The following MAPRE1 variants were observed in gnomAD, a reference collection of about 807,000 sequenced individuals.
MAPRE1 encodes the protein microtubule-associated protein RP/EB family member 1.
MAPRE1 carries 5 observed loss-of-function variants against 32.1 expected under a neutral mutation model. That is an observed-to-expected ratio of 0.16 (90% CI 0.08 to 0.33). The LOEUF is 0.33. Ranked by LOEUF, MAPRE1 falls within the 10% of genes least tolerant of loss-of-function variation. The pLI is 1.00. For missense variants in MAPRE1, 209 were observed against 327.2 expected, an observed-to-expected ratio of 0.64 and a Z score of 2.79; for synonymous variants, 122 against 118.9, an observed-to-expected ratio of 1.03 and a Z score of -0.17.
chr20:32,836,503 G>C, intron 3 of MAPRE1, 131 bp from the exon 4 acceptor site: 1 of 612,746 alleles, frequency 1.6e-6, no homozygotes. Flanking sequence ...AAATTTAGGG[G>C]CTTAGCCCTA....
chr20:32,829,023 C>T (rs1413488387), intron 2 of MAPRE1, among the ~76,000 whole-genome samples: 2 of 151,848 alleles, frequency 1.3e-5, no homozygotes, highest in Non-Finnish European at 2.9e-5. Context: ...CAGGTTCAAG[C>T]GATTCTCCTG....
chr20:32,846,837 A>C, intron 6 of MAPRE1, 67 bp downstream of exon 6: 1 of 1,519,136 alleles, frequency 6.6e-7, no homozygotes, highest in South Asian at 1.1e-5. Context: ...CTCTGTGCTG[A>C]TGCTTGTTGT....
At chr20:32,836,947 A>T in intron 4 of MAPRE1, 106 bp downstream of exon 4, 1 of 987,348 alleles carries the variant, frequency 1.0e-6, no homozygotes, top group South Asian at 1.7e-5. Context: ...GATCTTAAGA[A>T]ATATAATCCC....
At chr20:32,846,873 A>T in intron 6 of MAPRE1, 103 bp downstream of exon 6, 1 of 1,296,886 alleles carries the variant, frequency 7.7e-7, no homozygotes, top group Non-Finnish European at 1.1e-6. Flanking sequence ...TCATCAAAAG[A>T]CTTCATCTTT....
intron 1 of MAPRE1, among the ~76,000 whole-genome samples, chr20:32,822,444 T>G (rs751803699): frequency 6.6e-6 from 1 of 152,158 alleles, no homozygotes; most frequent in Admixed American, 6.5e-5. Flanking sequence ...ACAGACAAAT[T>G]TGAAGACTGT....
At chr20:32,821,236 C>G (rs556907147) in intron 1 of MAPRE1, among the ~76,000 whole-genome samples, 2 of 152,270 alleles carry the variant, frequency 1.3e-5, no homozygotes, top group Admixed American at 1.3e-4. Context: ...AGGCTGTTGT[C>G]GAACTCCTGA....
At chr20:32,822,183 GAC>G (rs1231212157) in intron 1 of MAPRE1, among the ~76,000 whole-genome samples, 4 of 152,130 alleles carry the variant, frequency 2.6e-5, no homozygotes, top group Admixed American at 6.6e-5. Context: ...GTGGTCAGGA[GAC>G]ACACATGGCT....
In MAPRE1 at chr20:32,825,883, C is replaced by G. The variant is rs372497612; in HGVS notation, c.-3-42C>G. ...GAAACACTTGACCTTACTTGCATGC[C>G]TAATGTAACACAGGCCCTTCTCTTT... On this transcript the variant is annotated intron_variant, in intron 1 of 6. Transcript: ENST00000375571. 3.9e-6 allele frequency: 6 copies of G among 1,521,984 alleles called. No homozygotes were observed. In the South Asian group the frequency reaches 5.0e-5, roughly 13 times the overall value. 94.3% of individuals were successfully genotyped at this position (1,521,984 alleles called of 1,614,324 possible).
rs1029394756 is a variant in MAPRE1 at position 32,849,645 on chromosome 20, C to T, written c.*917C>T. ...ATTTACCACGTTTCTCTTCTCTGCT[C>T]CCCTTGCCCACTGGGGACTCCTCTT... is the stretch of plus-strand genomic sequence containing the variant. On this transcript the variant is annotated 3_prime_UTR_variant, in exon 7 of 7. Transcript: ENST00000375571. 1.2e-4 allele frequency: 19 copies of T among 152,600 alleles called. No individual in the cohort carries two copies. Among genetic ancestry groups the T allele is most frequent in the African/African-American group, 4.6e-4 (19 of 41,426 alleles). The allele number at this position is 152,600 out of a possible 1,614,324, so 9.5% of individuals were successfully genotyped here.
At chr20:32,822,278 C>T (rs1211756216) in intron 1 of MAPRE1, among the ~76,000 whole-genome samples, 3 of 152,218 alleles carry the variant, frequency 2.0e-5, no homozygotes, top group Admixed American at 6.5e-5. Flanking sequence ...ATTACAATTG[C>T]TCAGCTGGGA....
Position 32,826,792 on chromosome 20 carries a change from C to T in MAPRE1, c.121+744C>T, listed in dbSNP as rs564869345. Among the ~76,000 whole-genome samples, 10 of 152,004 alleles carry T rather than the reference C, an allele frequency of 6.6e-5. No individual in the cohort carries two copies. The East Asian group carries it at 1.4e-3, about 21-fold the overall frequency. On this transcript the variant is annotated intron_variant, in intron 2 of 6. Coordinates refer to ENST00000375571, the MANE Select transcript of MAPRE1 (RefSeq NM_012325.3). The stretch of plus-strand genomic sequence containing the variant: ...TCAGCCTCCCAAAGTGCTGGGATTA[C>T]AGGCATGAGCCACCATGCCTGGTTG...
intron 4 of MAPRE1, 128 bp from the exon 5 acceptor site, chr20:32,839,607 G>A (rs1330108076): frequency 7.7e-7 from 1 of 1,306,482 alleles, no homozygotes; most frequent in Non-Finnish European, 1.1e-6. Flanking sequence ...GGGCTCTCTA[G>A]CATTGGTTCC....
In MAPRE1 at chr20:32,822,222, G is replaced by A. The variant is rs144505919; in HGVS notation, c.-4+2194G>A. ...TACCAGCTGCTTAGATTTTATAGCA[G>A]CATGATGCACACGATACAGTATATA... On this transcript the variant is annotated intron_variant, in intron 1 of 6. Transcript: ENST00000375571. Among the ~76,000 whole-genome samples, 3 of 152,282 alleles carry A rather than the reference G, an allele frequency of 2.0e-5. No individual in the cohort carries two copies. In the East Asian group the frequency reaches 5.8e-4, roughly 29 times the overall value.
chr20:32,828,127 A>T (rs558727284), intron 2 of MAPRE1, among the ~76,000 whole-genome samples: 120 of 152,250 alleles, frequency 7.9e-4, no homozygotes, highest in Non-Finnish European at 1.6e-3. Context: ...AGTTGTGTTT[A>T]TTCAGCATTA....
chr20:32,820,350 AGGGTGT>A (rs1313181978), intron 1 of MAPRE1, among the ~76,000 whole-genome samples: 3 of 151,696 alleles, frequency 2.0e-5, no homozygotes, highest in African/African-American at 7.3e-5. Flanking sequence ...GGGCCCTGGG[AGGGTGT>A]GGGCGAGGTG....
At chr20:32,823,365 A>G (rs1439230558) in intron 1 of MAPRE1, among the ~76,000 whole-genome samples, 2 of 152,202 alleles carry the variant, frequency 1.3e-5, no homozygotes, top group East Asian at 3.8e-4. Context: ...ATTGCTCTGC[A>G]TCTTTCCCCT....
In MAPRE1 at chr20:32,832,000, G is replaced by A. The variant is rs566880012; in HGVS notation, c.122-1717G>A. Among the ~76,000 whole-genome samples the A allele has an allele frequency of 7.3e-5, 11 of 149,838 alleles. No individual in the cohort carries two copies. The South Asian group carries it at 2.3e-3, about 32-fold the overall frequency. Reference sequence around the variant, plus strand: ...CCCTCAGTGTACTTTTGTTGGATGAGTAAATAAATCAGTCACCTCAGAAAT... The same window carrying A: ...CCCTCAGTGTACTTTTGTTGGATGAATAAATAAATCAGTCACCTCAGAAAT... On this transcript the variant is annotated intron_variant, in intron 2 of 6. Transcript: ENST00000375571.
intron 5 of MAPRE1, among the ~76,000 whole-genome samples, chr20:32,840,961 G>A (rs1983341644): frequency 1.3e-5 from 2 of 152,078 alleles, no homozygotes; most frequent in African/African-American, 4.8e-5. Context: ...GACTACAGTC[G>A]TGCGCCACCA....
At chr20:32,821,533 G>C (rs1982702834) in intron 1 of MAPRE1, among the ~76,000 whole-genome samples, 1 of 152,148 alleles carries the variant, frequency 6.6e-6, no homozygotes, top group African/African-American at 2.4e-5. Flanking sequence ...TGGCACAGAG[G>C]GAAGCTTAGG....
Sources: gnomAD v4.1 joint callset for allele counts (sites outside exome capture counted in the v4.1 genomes callset) on GRCh38, gnomAD v4.1.1 for gene constraint, MANE v1.5 for transcripts, NCBI Gene and HGNC (gene_info 2026-07-23, HGNC 2026-07-21) for gene names.